ZFPM2: variants seen among roughly 807,000 people sequenced by gnomAD.
The protein encoded by ZFPM2 is zinc finger protein, FOG family member 2.
Under a neutral mutation model 98.6 loss-of-function variants are expected in ZFPM2, and 20 were observed. The ratio of observed to expected loss-of-function variants is 0.20; its 90% confidence interval spans 0.14 to 0.29. The LOEUF (loss-of-function observed/expected upper bound fraction) is 0.29. Ranked by LOEUF, ZFPM2 falls within the 10% of genes least tolerant of loss-of-function variation. The pLI, the probability that ZFPM2 is intolerant of heterozygous loss-of-function variation, is 1.00. For missense variants in ZFPM2, 1,310 were observed against 1,388.6 expected, an observed-to-expected ratio of 0.94 and a Z score of 0.90; for synonymous variants, 518 against 502.7, an observed-to-expected ratio of 1.03 and a Z score of -0.41.
chr8:105,696,581 C>T (rs1348967558), intron 5 of ZFPM2, among the ~76,000 whole-genome samples: 3 of 152,050 alleles, frequency 2.0e-5, no homozygotes, highest in South Asian at 4.2e-4. Context: ...ATTTTTTCAC[C>T]GAGGATATGC....
At position 105,757,607 on chromosome 8, in the gene ZFPM2, A is replaced by G. The variant is rs1467204807; in HGVS notation, c.533-31111A>G. On this transcript the variant is annotated intron_variant, in intron 5 of 7. Coordinates refer to ENST00000407775, the MANE Select transcript of ZFPM2 (RefSeq NM_012082.4). ...TTGGCTATTTTACCAATCATGGATA[A>G]TGAATCTATTGATTTTTTTAAAGAC... Among the ~76,000 whole-genome samples, 3 of 152,184 alleles carry G rather than the reference A, an allele frequency of 2.0e-5. No individual in the cohort carries two copies. In the East Asian group the frequency reaches 5.8e-4, roughly 29 times the overall value.
Position 105,450,019 on chromosome 8 carries a change from C to G in ZFPM2, c.301+5638C>G, listed in dbSNP as rs534391023. On this transcript the variant is annotated intron_variant, in intron 3 of 7. Transcript: ENST00000407775. ...ATTCCACCCGACTTAAAACATGATTCAATTCAAGAATTTTTAATGTAAATA... is the reference window on the plus strand; with the variant it reads ...ATTCCACCCGACTTAAAACATGATTGAATTCAAGAATTTTTAATGTAAATA... 5.9e-5 allele frequency among the ~76,000 whole-genome samples: 9 copies of G among 152,116 alleles called. No individual in the cohort carries two copies. The South Asian group carries it at 1.0e-3, about 18-fold the overall frequency.
rs150432997 is a variant in ZFPM2 at position 105,442,585 on chromosome 8, TTTTAA to T, written c.200-1689_200-1685del. On this transcript the variant is annotated intron_variant, in intron 2 of 7. Coordinates refer to ENST00000407775, the MANE Select transcript of ZFPM2 (RefSeq NM_012082.4). Reference sequence around the variant, plus strand: ...GAAAGGAAAAATATTTTCAAAAATATTTTAATTTAAGACATGGGATTCAGTGGTGT... The same window carrying T: ...GAAAGGAAAAATATTTTCAAAAATATTTTAAGACATGGGATTCAGTGGTGT... Among the ~76,000 whole-genome samples, 390 of 152,268 alleles carry T rather than the reference TTTTAA, an allele frequency of 2.6e-3. 9 individuals carry two copies. In the East Asian group the frequency reaches 0.067, roughly 26 times the overall value.
At chr8:105,783,219 T>G (rs1813307779) in intron 5 of ZFPM2, among the ~76,000 whole-genome samples, 1 of 148,144 alleles carries the variant, frequency 6.8e-6, no homozygotes, top group Non-Finnish European at 1.5e-5. Flanking sequence ...GGTTTTTTTT[T>G]TTTTTTTTTT....
At chr8:105,430,943 G>A (rs370191588) in intron 2 of ZFPM2, among the ~76,000 whole-genome samples, 13 of 145,042 alleles carry the variant, frequency 9.0e-5, no homozygotes, top group East Asian at 6.1e-4. Flanking sequence ...TCACAATGTC[G>A]CTCAGGCTGG....
At chr8:105,379,084 T>C (rs1810788001) in intron 1 of ZFPM2, among the ~76,000 whole-genome samples, 1 of 152,166 alleles carries the variant, frequency 6.6e-6, no homozygotes, top group Admixed American at 6.5e-5. Context: ...TATGTACTAC[T>C]TTTGTTTGTG....
At chr8:105,497,260 C>T (rs562178135) in intron 3 of ZFPM2, among the ~76,000 whole-genome samples, 1 of 152,178 alleles carries the variant, frequency 6.6e-6, no homozygotes, top group African/African-American at 2.4e-5. Context: ...GCTGGGATTA[C>T]AGGCATGAGC....
chr8:105,399,486 C>T (rs1483419973), intron 1 of ZFPM2, among the ~76,000 whole-genome samples: 1 of 152,062 alleles, frequency 6.6e-6, no homozygotes, highest in Non-Finnish European at 1.5e-5. Context: ...CACTTTGGGG[C>T]TTGAGAAAAG....
chr8:105,604,589 G>A (rs1388680492), intron 4 of ZFPM2, among the ~76,000 whole-genome samples: 1 of 151,808 alleles, frequency 6.6e-6, no homozygotes, highest in African/African-American at 2.4e-5. Context: ...ACTTCATCAC[G>A]ACCACATTAG....
intron 1 of ZFPM2, among the ~76,000 whole-genome samples, chr8:105,347,543 G>T (rs1288877751): frequency 3.3e-5 from 5 of 152,218 alleles, no homozygotes; most frequent in African/African-American, 1.2e-4. Flanking sequence ...GACTACTAAA[G>T]GTTTTAACAT....
At chr8:105,446,056 G>A (rs1303189356) in intron 3 of ZFPM2, among the ~76,000 whole-genome samples, 1 of 151,992 alleles carries the variant, frequency 6.6e-6, no homozygotes, top group Non-Finnish European at 1.5e-5. Context: ...AAGTAGCTGG[G>A]ACTACAGGCA....
At chr8:105,453,908 C>T (rs576271207) in intron 3 of ZFPM2, among the ~76,000 whole-genome samples, 3 of 152,070 alleles carry the variant, frequency 2.0e-5, no homozygotes, top group South Asian at 2.1e-4. Context: ...TATTTTAAAG[C>T]GAGTTTCAGA....
intron 3 of ZFPM2, among the ~76,000 whole-genome samples, chr8:105,525,707 A>G (rs1490852408): frequency 1.3e-5 from 2 of 152,212 alleles, no homozygotes; most frequent in Admixed American, 6.5e-5. Flanking sequence ...AGAATTTAAC[A>G]TCCCTCTCAG....
intron 5 of ZFPM2, among the ~76,000 whole-genome samples, chr8:105,758,597 A>G: frequency 6.6e-6 from 1 of 151,984 alleles, no homozygotes; most frequent in South Asian, 2.1e-4. Context: ...CAGTCATTTG[A>G]TTTTTTTTAA....
At chr8:105,336,762 T>C (rs1339188641) in intron 1 of ZFPM2, among the ~76,000 whole-genome samples, 4 of 150,910 alleles carry the variant, frequency 2.7e-5, no homozygotes, top group Admixed American at 2.0e-4. Context: ...ACACTATATA[T>C]ATGACACACA....
At chr8:105,746,246 TG>T (rs1381634001) in intron 5 of ZFPM2, among the ~76,000 whole-genome samples, 1 of 151,920 alleles carries the variant, frequency 6.6e-6, no homozygotes, top group African/African-American at 2.4e-5. Flanking sequence ...AAATAGAGAC[TG>T]TTTGATCCAG....
chr8:105,802,640 A>G lies in ZFPM2; in HGVS notation c.2558A>G (p.Tyr853Cys). 6.2e-7 allele frequency: 1 copy of G among 1,611,132 alleles called. No individual in the cohort carries two copies. Among genetic ancestry groups the G allele is most frequent in the Non-Finnish European group, 8.5e-7 (1 of 1,178,668 alleles). The change falls in exon 8 of 8, where the codon TAT becomes TGT. Residue 853 changes from tyrosine to cysteine, a missense_variant. By Grantham distance (194) the Tyr-to-Cys change is radical (BLOSUM62 -2). Coordinates refer to ENST00000407775, the MANE Select transcript of ZFPM2 (RefSeq NM_012082.4). ...ACGTCTCCCAAAAGGCTGCTGGACTATCACGAGTGCACTGTGTGCAAGATC... is the reference window on the plus strand; with the variant it reads ...ACGTCTCCCAAAAGGCTGCTGGACTGTCACGAGTGCACTGTGTGCAAGATC... ...TTTSPKRLLD[Y>C]HECTVCKISF...
At chr8:105,335,338 A>T (rs1363830447) in intron 1 of ZFPM2, among the ~76,000 whole-genome samples, 1 of 151,740 alleles carries the variant, frequency 6.6e-6, no homozygotes, top group Non-Finnish European at 1.5e-5. Flanking sequence ...TAGATTCTGA[A>T]CAACCTAGGT....
Position 105,417,613 on chromosome 8 carries a change from A to G in ZFPM2, c.41-1531A>G, listed in dbSNP as rs187712654. Among the ~76,000 whole-genome samples the G allele has an allele frequency of 3.7e-4, 57 of 152,282 alleles. 1 individual carries two copies. Among genetic ancestry groups the G allele is most frequent in the African/African-American group, 1.4e-3 (57 of 41,568 alleles). On this transcript the variant is annotated intron_variant, in intron 1 of 7. Transcript: ENST00000407775. The stretch of plus-strand genomic sequence containing the variant: ...AAGGATTGTAATATTTTACATTCTT[A>G]CTGTTTTATATATTCTTTGCTTGTC...
Sources: gnomAD v4.1 joint callset for allele counts (sites outside exome capture counted in the v4.1 genomes callset) on GRCh38, gnomAD v4.1.1 for gene constraint, MANE v1.5 for transcripts, NCBI Gene and HGNC (gene_info 2026-07-23, HGNC 2026-07-21) for gene names.